Variants in ZBTB20 observed in about 807,000 individuals in gnomAD.
ZBTB20 encodes zinc finger and BTB domain-containing protein 20.
ZBTB20 carries 9 observed loss-of-function variants against 56.9 expected under a neutral mutation model. That is an observed-to-expected ratio of 0.16 (90% confidence interval 0.10 to 0.28). The LOEUF (loss-of-function observed/expected upper bound fraction) is 0.28, where lower values mean the gene tolerates loss of function less well. Among genes scored for constraint, ZBTB20 ranks in the 10% least tolerant of loss-of-function variants. The probability of loss-of-function intolerance (pLI) is 1.00; values close to 1 mark genes in which losing one functional copy is unlikely to be tolerated. For missense variants in ZBTB20, 655 were observed against 1,003.0 expected (o/e 0.65, Z 4.69); for synonymous variants, 417 against 420.7 (o/e 0.99, Z 0.11).
intron 8 of ZBTB20, among the ~76,000 whole-genome samples, chr3:114,383,390 C>T (rs2084636310): frequency 6.6e-6 from 1 of 152,170 alleles, no homozygotes; most frequent in African/African-American, 2.4e-5. Flanking sequence ...ATTTTTAACA[C>T]TGCAAAAATT....
At chr3:114,501,488 T>C (rs986273817) in intron 6 of ZBTB20, among the ~76,000 whole-genome samples, 1 of 151,350 alleles carries the variant, frequency 6.6e-6, no homozygotes, top group African/African-American at 2.4e-5. Context: ...TAGCCAGGCA[T>C]GGTGGCGGGC....
chr3:115,064,447 T>C (rs1167379078), intron 2 of ZBTB20, among the ~76,000 whole-genome samples: 5 of 139,310 alleles, frequency 3.6e-5, no homozygotes, highest in African/African-American at 1.4e-4. Flanking sequence ...ATAATTCTTT[T>C]TTTTTTTTTT....
At chr3:114,447,759 C>T (rs1698407723) in intron 7 of ZBTB20, among the ~76,000 whole-genome samples, 1 of 151,994 alleles carries the variant, frequency 6.6e-6, no homozygotes, top group Admixed American at 6.6e-5. Flanking sequence ...TAGTGTGTAC[C>T]CTATAGTTAT....
chr3:114,594,379 G>A (rs909634929), intron 6 of ZBTB20, among the ~76,000 whole-genome samples: 5 of 150,352 alleles, frequency 3.3e-5, no homozygotes, highest in South Asian at 4.2e-4. Flanking sequence ...TGATTCCCCT[G>A]CCTCAGCCTC....
chr3:114,802,828 C>T (rs2071817890), intron 4 of ZBTB20, among the ~76,000 whole-genome samples: 2 of 151,842 alleles, frequency 1.3e-5, no homozygotes. Flanking sequence ...GTTAGCGAAA[C>T]AAATTCATTC....
At chr3:114,945,499 G>T (rs2076854869) in intron 3 of ZBTB20, among the ~76,000 whole-genome samples, 1 of 145,094 alleles carries the variant, frequency 6.9e-6, no homozygotes, top group Non-Finnish European at 1.5e-5. Flanking sequence ...GAGATAAAAG[G>T]TGTAAGTTAC....
At chr3:114,378,541 CAA>C (rs1453896119) in intron 10 of ZBTB20, among the ~76,000 whole-genome samples, 10 of 152,226 alleles carry the variant, frequency 6.6e-5, no homozygotes, top group Admixed American at 3.3e-4. Flanking sequence ...TGATAAAGCA[CAA>C]TAAGTGAAGC....
rs12490654 is a variant in ZBTB20 at position 114,333,122 on chromosome 3, T to G, written c.*5883A>C. The G allele has an allele frequency of 0.019, 2,827 of 152,360 alleles. 44 individuals are homozygous for G. Among genetic ancestry groups the G allele is most frequent in the South Asian group, 0.058 (282 of 4,828 alleles). The allele number at this position is 152,360 out of a possible 1,614,324, so 9.4% of individuals were successfully genotyped here. A position where few individuals can be genotyped will look rare whatever the true frequency, so the allele number is the denominator to read the frequency against. ...TAGAAAACTCTTTGCAATATTTTGG[T>G]CAGGCTGATCGTCTTGATACTCAGT... On this transcript the variant is annotated 3_prime_UTR_variant, in exon 12 of 12. Transcript: ENST00000675478.
intron 5 of ZBTB20, among the ~76,000 whole-genome samples, chr3:114,768,171 A>G (rs1202876507): frequency 2.0e-5 from 3 of 152,006 alleles, no homozygotes; most frequent in Non-Finnish European, 4.4e-5. Flanking sequence ...CCGAGCAAAA[A>G]CACACACACA....
intron 5 of ZBTB20, among the ~76,000 whole-genome samples, chr3:114,784,159 T>G (rs1015009431): frequency 2.6e-5 from 4 of 152,254 alleles, no homozygotes; most frequent in Non-Finnish European, 5.9e-5. Context: ...TCCTTCATTT[T>G]AATTCTTTTG....
intron 10 of ZBTB20, among the ~76,000 whole-genome samples, chr3:114,356,581 C>T (rs1469813341): frequency 6.6e-6 from 1 of 151,578 alleles, no homozygotes; most frequent in Non-Finnish European, 1.5e-5. Context: ...GGCCAGAAAG[C>T]CCTTGAGCTT....
At chr3:114,790,016 C>T (rs1423906027) in intron 5 of ZBTB20, among the ~76,000 whole-genome samples, 1 of 152,078 alleles carries the variant, frequency 6.6e-6, no homozygotes, top group Non-Finnish European at 1.5e-5. Context: ...CACACACACT[C>T]ATACACACAG....
chr3:115,079,272 G>C (rs867724208), intron 1 of ZBTB20, among the ~76,000 whole-genome samples: 6 of 152,134 alleles, frequency 3.9e-5, no homozygotes, highest in African/African-American at 1.2e-4. Context: ...CAGGGCTAAT[G>C]AGTATTACAT....
At chr3:114,458,901 T>A (rs562778504) in intron 7 of ZBTB20, among the ~76,000 whole-genome samples, 2 of 152,192 alleles carry the variant, frequency 1.3e-5, no homozygotes, top group Non-Finnish European at 2.9e-5. Context: ...GCCTGCATTA[T>A]ACTAAAGAAA....
At chr3:114,599,566 T>C (rs1577870054) in intron 6 of ZBTB20, among the ~76,000 whole-genome samples, 1 of 152,110 alleles carries the variant, frequency 6.6e-6, no homozygotes, top group Non-Finnish European at 1.5e-5. Context: ...TTTTCCTACC[T>C]TTGTTGTTGC....
Position 114,614,305 on chromosome 3 carries a change from TCAGAG to T in ZBTB20, c.-295+79218_-295+79222del, listed in dbSNP as rs556894663. Among the ~76,000 whole-genome samples, 626 of 152,304 alleles carry T rather than the reference TCAGAG, an allele frequency of 4.1e-3. 3 individuals carry two copies. Among genetic ancestry groups the T allele is most frequent in the African/African-American group, 0.013 (559 of 41,570 alleles). ...AATGAGAGTATTGGGGTAACATATA[TCAGAG>T]ATTTGGCTCTTACAGATTTTAATTT... On this transcript the variant is annotated intron_variant, in intron 6 of 11. Transcript: ENST00000675478.
chr3:114,646,156 T>C (rs1427955021), intron 6 of ZBTB20, among the ~76,000 whole-genome samples: 8 of 147,462 alleles, frequency 5.4e-5, no homozygotes, highest in Non-Finnish European at 1.2e-4. Context: ...AAAGAAGCGT[T>C]ATGTGAAAAG....
chr3:114,800,206 A>G (rs1359964705), intron 5 of ZBTB20, among the ~76,000 whole-genome samples: 2 of 151,946 alleles, frequency 1.3e-5, no homozygotes, highest in African/African-American at 4.8e-5. Context: ...AAAAATAAAA[A>G]CAGATTGACT....
At chr3:114,923,740 CT>C (rs946082784) in intron 3 of ZBTB20, among the ~76,000 whole-genome samples, 3 of 151,852 alleles carry the variant, frequency 2.0e-5, no homozygotes, top group African/African-American at 7.3e-5. Flanking sequence ...AACTAAAAAC[CT>C]TTTTCACAGC....
Sources: gnomAD v4.1 joint callset for allele counts (sites outside exome capture counted in the v4.1 genomes callset) on GRCh38, gnomAD v4.1.1 for gene constraint, MANE v1.5 for transcripts, NCBI Gene and HGNC (gene_info 2026-07-23, HGNC 2026-07-21) for gene names.